PTPRO: variants seen among roughly 807,000 people sequenced by gnomAD.
PTPRO encodes the protein protein tyrosine phosphatase receptor type O.
PTPRO carries 62 observed loss-of-function variants against 145.2 expected under a neutral mutation model. The observed-to-expected ratio is 0.43, with a 90% CI of 0.35 to 0.53. PTPRO has a LOEUF of 0.53. PTPRO is among the 20% of genes least tolerant of loss of function. The pLI, the probability that PTPRO is intolerant of heterozygous loss-of-function variation, is 0.01. For missense variants in PTPRO, 1,345 were observed against 1,482.7 expected, an observed-to-expected ratio of 0.91 and a Z score of 1.53; for synonymous variants, 565 against 514.7, an observed-to-expected ratio of 1.10 and a Z score of -1.32.
intron 1 of PTPRO, among the ~76,000 whole-genome samples, chr12:15,323,526 G>C (rs893666286): frequency 1.3e-5 from 2 of 152,218 alleles, no homozygotes; most frequent in Non-Finnish European, 2.9e-5. Context: ...AAGCAAAGGA[G>C]TTGCTTTTGA....
intron 1 of PTPRO, among the ~76,000 whole-genome samples, chr12:15,454,764 A>C (rs1226946480): frequency 6.6e-6 from 1 of 152,122 alleles, no homozygotes; most frequent in African/African-American, 2.4e-5. Context: ...TTATGTAGGG[A>C]AAGATAAGGG....
intron 5 of PTPRO, among the ~76,000 whole-genome samples, chr12:15,502,882 T>G (rs1180776754): frequency 6.6e-6 from 1 of 152,148 alleles, no homozygotes; most frequent in African/African-American, 2.4e-5. Context: ...TTGTAAAAAT[T>G]TGAAGTTACA....
intron 1 of PTPRO, among the ~76,000 whole-genome samples, chr12:15,413,056 G>C (rs907977304): frequency 3.9e-5 from 6 of 152,076 alleles, no homozygotes; most frequent in Non-Finnish European, 5.9e-5. Flanking sequence ...GCCTCCCAAA[G>C]TGTTGGGATC....
chr12:15,346,619 GA>G (rs1867223123), intron 1 of PTPRO: 2 of 152,168 alleles, frequency 1.3e-5, no homozygotes, highest in African/African-American at 4.8e-5. Flanking sequence ...CAAGAATACC[GA>G]ATGGTCTATT....
At chr12:15,394,178 A>G (rs1168772828) in intron 1 of PTPRO, among the ~76,000 whole-genome samples, 3 of 152,296 alleles carry the variant, frequency 2.0e-5, no homozygotes, top group Non-Finnish European at 2.9e-5. Flanking sequence ...TTCAGAGGGC[A>G]CAAACACTCA....
chr12:15,368,123 C>T (rs1468639026), intron 1 of PTPRO, among the ~76,000 whole-genome samples: 1 of 152,152 alleles, frequency 6.6e-6, no homozygotes, highest in Non-Finnish European at 1.5e-5. Context: ...GTCTGGACTC[C>T]TCCGTGTTCT....
At position 15,597,392 on chromosome 12, in the gene PTPRO, A is replaced by T. The variant is rs2135688806; in HGVS notation, c.*1319A>T. The T allele has an allele frequency of 6.6e-6, 1 of 152,348 alleles. No homozygotes were observed. The highest frequency in any genetic ancestry group is 2.4e-5 in the African/African-American group (1 of 41,582). 9.4% of individuals were successfully genotyped at this position (152,348 alleles called of 1,614,324 possible). Reference sequence around the variant, plus strand: ...CACAAGCTGGCTGCTTCCCTGTGGCAACTGTGGCTATTGTGAGCCTCCGTG... The same window carrying T: ...CACAAGCTGGCTGCTTCCCTGTGGCTACTGTGGCTATTGTGAGCCTCCGTG... On this transcript the variant is annotated 3_prime_UTR_variant, in exon 27 of 27. Coordinates refer to ENST00000281171, the MANE Select transcript of PTPRO (RefSeq NM_030667.3).
In PTPRO at chr12:15,483,593, A is replaced by G. The variant is rs114747332; in HGVS notation, c.76-381A>G. Reference sequence around the variant, plus strand: ...AAAAGAGTACTTCTTTAAACCATGTAACTTTGCCAGCACAGTTGAAACCAA... The same window carrying G: ...AAAAGAGTACTTCTTTAAACCATGTGACTTTGCCAGCACAGTTGAAACCAA... On this transcript the variant is annotated intron_variant, in intron 1 of 26. Transcript: ENST00000281171. 8.0e-3 allele frequency among the ~76,000 whole-genome samples: 1,214 copies of G among 152,238 alleles called. 14 individuals are homozygous for G. The highest frequency in any genetic ancestry group is 0.028 in the African/African-American group (1,167 of 41,560).
chr12:15,592,000 TA>T (rs1252742805), intron 25 of PTPRO, among the ~76,000 whole-genome samples: 1 of 152,202 alleles, frequency 6.6e-6, no homozygotes, highest in Non-Finnish European at 1.5e-5. Context: ...CCGGGTTACT[TA>T]CTTTTTCCAA....
At chr12:15,533,812 T>A (rs899900174) in intron 12 of PTPRO, among the ~76,000 whole-genome samples, 2 of 152,166 alleles carry the variant, frequency 1.3e-5, no homozygotes, top group Non-Finnish European at 2.9e-5. Flanking sequence ...AATGCCATTG[T>A]TAAAGCTGGG....
intron 1 of PTPRO, among the ~76,000 whole-genome samples, chr12:15,354,723 G>A (rs540691620): frequency 8.5e-4 from 130 of 152,166 alleles, no homozygotes; most frequent in African/African-American, 2.8e-3. Context: ...AATAAGCACC[G>A]TATATACATG....
chr12:15,346,074 A>G (rs1390021255), intron 1 of PTPRO, among the ~76,000 whole-genome samples: 1 of 152,180 alleles, frequency 6.6e-6, no homozygotes, highest in African/African-American at 2.4e-5. Context: ...CTTTAAATAG[A>G]GTGAATTTTA....
chr12:15,536,171 C>T (rs1239169274), intron 12 of PTPRO, among the ~76,000 whole-genome samples: 1 of 152,124 alleles, frequency 6.6e-6, no homozygotes, highest in Non-Finnish European at 1.5e-5. Flanking sequence ...TGTCAACCCT[C>T]ATTCTAATGG....
intron 13 of PTPRO, among the ~76,000 whole-genome samples, chr12:15,548,203 A>T (rs200152623): frequency 6.8e-5 from 5 of 73,226 alleles, no homozygotes; most frequent in African/African-American, 1.9e-4. Flanking sequence ...CACTTACGGT[A>T]AAAAAAAAAT....
At chr12:15,404,426 C>A (rs1053105673) in intron 1 of PTPRO, among the ~76,000 whole-genome samples, 3 of 152,094 alleles carry the variant, frequency 2.0e-5, no homozygotes, top group Admixed American at 6.5e-5. Flanking sequence ...CAGGCAATTT[C>A]ACATACTGTA....
At chr12:15,423,836 CAG>C (rs1279166817) in intron 1 of PTPRO, among the ~76,000 whole-genome samples, 1 of 152,192 alleles carries the variant, frequency 6.6e-6, no homozygotes, top group East Asian at 1.9e-4. Context: ...TTAGATGACT[CAG>C]AGTCCATGCC....
At chr12:15,590,524 C>A (rs1423310241) in intron 25 of PTPRO, among the ~76,000 whole-genome samples, 2 of 152,174 alleles carry the variant, frequency 1.3e-5, no homozygotes, top group Non-Finnish European at 2.9e-5. Flanking sequence ...CTACCCAGCA[C>A]CACTAGATGT....
rs564395841 is a variant in PTPRO, at chr12:15,346,138, G to A, written c.75+23337G>A. ...TTGACTTTTAGACTTTACTGTGTCT[G>A]TATTCTCTGACAAACATATAAACTG... On this transcript the variant is annotated intron_variant, in intron 1 of 26. Coordinates refer to ENST00000281171, the MANE Select transcript of PTPRO (RefSeq NM_030667.3). Among the ~76,000 whole-genome samples, 4 of 152,164 alleles carry A rather than the reference G, an allele frequency of 2.6e-5. No individual in the cohort carries two copies. In the South Asian group the frequency reaches 8.3e-4, roughly 32 times the overall value.
intron 1 of PTPRO, among the ~76,000 whole-genome samples, chr12:15,415,987 A>T (rs1188900858): frequency 1.3e-5 from 2 of 151,852 alleles, no homozygotes; most frequent in Middle Eastern, 3.4e-3. Flanking sequence ...TCTCTCATTT[A>T]AATTCAGGGG....
Sources: allele counts gnomAD v4.1 joint callset (sites outside exome capture counted in the v4.1 genomes callset), GRCh38; gene constraint gnomAD v4.1.1; transcripts MANE v1.5; gene names NCBI Gene and HGNC (gene_info 2026-07-23, HGNC 2026-07-21).